The following HCRTR2 variants were observed in gnomAD, a reference collection of about 807,000 sequenced individuals.
The protein encoded by HCRTR2 is orexin receptor type 2.
Under a neutral mutation model 49.0 loss-of-function variants are expected in HCRTR2, and 22 were observed. That is an observed-to-expected ratio of 0.45 (90% CI 0.32 to 0.64). The LOEUF (loss-of-function observed/expected upper bound fraction) is 0.64. Among genes scored for constraint, HCRTR2 ranks in the 30% least tolerant of loss-of-function variants. HCRTR2 has a pLI of 0.04. For synonymous variants in HCRTR2, 236 were observed against 205.3 expected (o/e 1.15, Z -1.28); for missense variants, 491 against 559.4 (o/e 0.88, Z 1.23).
chr6:55,233,064 A>G (rs1447650679), intron 1 of HCRTR2, among the ~76,000 whole-genome samples: 2 of 151,962 alleles, frequency 1.3e-5, no homozygotes, highest in African/African-American at 4.8e-5. Flanking sequence ...TGACAGACAA[A>G]AAATGGATTT....
chr6:55,199,838 T>C (rs781707857), intron 1 of HCRTR2, among the ~76,000 whole-genome samples: 12 of 152,196 alleles, frequency 7.9e-5, no homozygotes, highest in Non-Finnish European at 1.6e-4. Flanking sequence ...GAAAAATATA[T>C]AAGGGAAGGA....
intron 3 of HCRTR2, among the ~76,000 whole-genome samples, chr6:55,257,742 T>C (rs1766680220): frequency 1.3e-5 from 2 of 151,856 alleles, no homozygotes; most frequent in Non-Finnish European, 2.9e-5. Context: ...AAGGAAACAA[T>C]TGTTGAATAT....
At chr6:55,206,346 C>G (rs189740930) in intron 1 of HCRTR2, among the ~76,000 whole-genome samples, 1 of 152,062 alleles carries the variant, frequency 6.6e-6, no homozygotes, top group Non-Finnish European at 1.5e-5. Context: ...CAATTAAAAA[C>G]AAAAATATGA....
chr6:55,226,657 A>G (rs1281996336), intron 1 of HCRTR2, among the ~76,000 whole-genome samples: 1 of 151,668 alleles, frequency 6.6e-6, no homozygotes, highest in African/African-American at 2.4e-5. Context: ...AAAACATCCA[A>G]AATCATGTAT....
chr6:55,134,507 A>G lies in HCRTR2; in HGVS notation c.-378+27962A>G, dbSNP rs144796897. On this transcript the variant is annotated intron_variant, in intron 1 of 7. Coordinates refer to the HCRTR2 transcript ENST00000615358. The stretch of plus-strand genomic sequence containing the variant: ...AGAGCATAAGATTTACCCTCATAGC[A>G]AATTTCAAGTATATAGTACAATATT... 1.9e-4 allele frequency among the ~76,000 whole-genome samples: 29 copies of G among 151,958 alleles called. No homozygotes were observed. The East Asian group carries it at 3.9e-3, about 20-fold the overall frequency.
chr6:55,142,503 G>A (rs575602589), intron 1 of HCRTR2, among the ~76,000 whole-genome samples: 51 of 151,746 alleles, frequency 3.4e-4, no homozygotes, highest in Non-Finnish European at 5.9e-4. Flanking sequence ...CACCGGGCCC[G>A]GCCTCAACTG....
Position 55,176,104 on chromosome 6 carries a change from C to T in HCRTR2, c.223+1294C>T, listed in dbSNP as rs185539938. On this transcript the variant is annotated intron_variant, in intron 1 of 6. Coordinates refer to ENST00000370862, the MANE Select transcript of HCRTR2 (RefSeq NM_001384272.1). ...ACTAACCTGATTTTTGCCTTCTCTC[C>T]CAAGTGTGTTGGTCTGGGTAGAAAT... Among the ~76,000 whole-genome samples the T allele has an allele frequency of 7.2e-4, 110 of 152,194 alleles. 3 individuals carry two copies. The South Asian group carries it at 0.017, about 24-fold the overall frequency.
intron 1 of HCRTR2, among the ~76,000 whole-genome samples, chr6:55,135,703 G>A (rs1043072497): frequency 6.6e-6 from 1 of 152,170 alleles, no homozygotes; most frequent in African/African-American, 2.4e-5. Flanking sequence ...AACTGTGTAA[G>A]TTATTTGCTA....
At chr6:55,282,898 TAA>T (rs879514578), downstream of HCRTR2, among the ~76,000 whole-genome samples, 23 of 152,062 alleles carry the variant, frequency 1.5e-4, no homozygotes, top group South Asian at 4.2e-4. Context: ...ATAGTTTTTT[TAA>T]AAAAAATCAC....
At chr6:55,270,916 A>G (rs1318511335) in intron 4 of HCRTR2, among the ~76,000 whole-genome samples, 1 of 152,196 alleles carries the variant, frequency 6.6e-6, no homozygotes. Context: ...CCTAAATTAA[A>G]AGATATTCTG....
intron 1 of HCRTR2, among the ~76,000 whole-genome samples, chr6:55,127,361 G>A (rs1386917035): frequency 6.6e-6 from 1 of 152,106 alleles, no homozygotes; most frequent in Middle Eastern, 3.4e-3. Flanking sequence ...CAGGTAAGGC[G>A]ACACTCCACC....
intron 3 of HCRTR2, among the ~76,000 whole-genome samples, chr6:55,262,382 ATAT>A (rs1165397709): frequency 6.2e-4 from 85 of 136,228 alleles, no homozygotes; most frequent in African/African-American, 2.2e-3. Flanking sequence ...GTTATATATA[ATAT>A]TATATATAAA....
intron 1 of HCRTR2, among the ~76,000 whole-genome samples, chr6:55,169,254 G>A (rs1320416374): frequency 2.0e-5 from 3 of 151,592 alleles, no homozygotes; most frequent in Non-Finnish European, 4.4e-5. Context: ...AAAACATAAG[G>A]GGAAAATATC....
chr6:55,248,933 A>T, intron 2 of HCRTR2, 116 bp downstream of exon 2: 1 of 861,042 alleles, frequency 1.2e-6, no homozygotes, highest in Middle Eastern at 2.3e-4. Context: ...GGCATTGACA[A>T]ACTGAAGGAA....
chr6:55,197,306 C>T (rs1012784514), intron 1 of HCRTR2, among the ~76,000 whole-genome samples: 1 of 152,078 alleles, frequency 6.6e-6, no homozygotes, highest in African/African-American at 2.4e-5. Context: ...CCCACCCTTA[C>T]CCTTTTATCC....
intron 1 of HCRTR2, among the ~76,000 whole-genome samples, chr6:55,226,784 T>G (rs1338821029): frequency 1.4e-5 from 2 of 139,218 alleles, no homozygotes; most frequent in Non-Finnish European, 3.0e-5. Flanking sequence ...AGTGGTGAGA[T>G]CTCGGCTCAC....
At position 55,241,861 on chromosome 6, in the gene HCRTR2, A is replaced by ATTTTTTTTT. The variant is rs917427627; in HGVS notation, c.224-6763_224-6755dup. The stretch of plus-strand genomic sequence containing the variant: ...GTAGTCTGTCTTACTATGGCAACTA[A>ATTTTTTTTT]TTTTTTTTTTTTTTTTTTTTTTTGT... On this transcript the variant is annotated intron_variant, in intron 1 of 6. Transcript: ENST00000370862. Among the ~76,000 whole-genome samples, 10 of 92,524 alleles carry ATTTTTTTTT rather than the reference A, an allele frequency of 1.1e-4. 1 individual carries two copies. The highest frequency in any genetic ancestry group is 3.5e-4 in the South Asian group (1 of 2,870). 60.7% of individuals were successfully genotyped at this position (92,524 alleles called of 152,430 possible).
intron 1 of HCRTR2, among the ~76,000 whole-genome samples, chr6:55,205,649 A>G (rs1445408589): frequency 6.6e-6 from 1 of 152,156 alleles, no homozygotes; most frequent in East Asian, 1.9e-4. Context: ...ATTAAAAAAA[A>G]TAAAAAAAGA....
intron 1 of HCRTR2, among the ~76,000 whole-genome samples, chr6:55,144,950 C>A (rs564960887): frequency 1.5e-4 from 23 of 152,258 alleles, no homozygotes; most frequent in Admixed American, 1.1e-3. Context: ...TCTCCCTATT[C>A]AAACTGTCTT....
Sources: allele counts gnomAD v4.1 joint callset (sites outside exome capture counted in the v4.1 genomes callset), GRCh38; gene constraint gnomAD v4.1.1; transcripts MANE v1.5; gene names NCBI Gene and HGNC (gene_info 2026-07-23, HGNC 2026-07-21).